The following MATN2 variants were observed in gnomAD, a reference collection of about 807,000 sequenced individuals.
The protein encoded by MATN2 is matrilin-2.
MATN2 carries 69 observed loss-of-function variants against 103.2 expected under a neutral mutation model. That is an observed-to-expected ratio of 0.67 (90% CI 0.55 to 0.82). The LOEUF (loss-of-function observed/expected upper bound fraction) is 0.82, where lower values mean the gene tolerates loss of function less well. MATN2 is among the 40% of genes least tolerant of loss of function. The pLI is 0.00. For missense variants in MATN2, 1,023 were observed against 1,211.5 expected (o/e 0.84, Z 2.31); for synonymous variants, 429 against 450.2 (o/e 0.95, Z 0.60).
At chr8:97,903,973 T>C (rs541202875) in intron 2 of MATN2, among the ~76,000 whole-genome samples, 62 of 152,260 alleles carry the variant, frequency 4.1e-4, no homozygotes, top group Non-Finnish European at 8.1e-4. Flanking sequence ...GAACCAATCC[T>C]TGCATTATTG....
chr8:97,991,076 A>G (rs889905847), intron 6 of MATN2, among the ~76,000 whole-genome samples: 2 of 152,206 alleles, frequency 1.3e-5, no homozygotes, highest in Admixed American at 6.5e-5. Context: ...TCTATGTCAT[A>G]AAACACAAAG....
At chr8:97,904,047 G>C (rs975218000) in intron 2 of MATN2, among the ~76,000 whole-genome samples, 6 of 152,132 alleles carry the variant, frequency 3.9e-5, no homozygotes, top group African/African-American at 1.4e-4. Context: ...TTGCTAATCT[G>C]TTTTTGTATT....
chr8:97,998,258 C>T lies in MATN2; in HGVS notation c.1204+3656C>T, dbSNP rs1258031958. Among the ~76,000 whole-genome samples, 6 of 151,498 alleles carry T rather than the reference C, an allele frequency of 4.0e-5. No homozygotes were observed. In the East Asian group the frequency reaches 7.8e-4, roughly 20 times the overall value. ...AAATCTTGCTGGGCGCGGTGGCTCACGCCTGTAATCCCAGCACTTTGGGAG... is the reference window on the plus strand; with the variant it reads ...AAATCTTGCTGGGCGCGGTGGCTCATGCCTGTAATCCCAGCACTTTGGGAG... On this transcript the variant is annotated intron_variant, in intron 7 of 18. Transcript: ENST00000254898.
intron 12 of MATN2, among the ~76,000 whole-genome samples, chr8:98,018,322 G>A (rs926749806): frequency 2.6e-5 from 4 of 152,076 alleles, no homozygotes; most frequent in Non-Finnish European, 5.9e-5. Flanking sequence ...TGAGTTTTGG[G>A]TTCTTTGCTT....
chr8:97,917,804 G>A (rs557233715), intron 2 of MATN2, among the ~76,000 whole-genome samples: 1 of 152,228 alleles, frequency 6.6e-6, no homozygotes, highest in East Asian at 1.9e-4. Context: ...GAATCTCTAG[G>A]CCGGGCATGG....
chr8:97,929,018 C>A (rs1810088185), intron 2 of MATN2, among the ~76,000 whole-genome samples: 1 of 152,170 alleles, frequency 6.6e-6, no homozygotes. Flanking sequence ...TCGCTGAACC[C>A]TCAAAGGCTC....
At chr8:98,033,682 T>C in intron 18 of MATN2, 23 bp downstream of exon 18, 1 of 1,432,792 alleles carries the variant, frequency 7.0e-7, no homozygotes, top group Non-Finnish European at 9.7e-7. Flanking sequence ...TGCATTATGC[T>C]TCTGTATGGA....
At chr8:97,961,279 AT>A in intron 4 of MATN2, 128 bp from the exon 5 acceptor site, 1 of 945,176 alleles carries the variant, frequency 1.1e-6, no homozygotes, top group East Asian at 2.8e-5. Flanking sequence ...ATGATCACGT[AT>A]CAAACCTTAC....
intron 12 of MATN2, among the ~76,000 whole-genome samples, chr8:98,018,592 T>C (rs1813459532): frequency 6.6e-6 from 1 of 152,146 alleles, no homozygotes; most frequent in South Asian, 2.1e-4. Flanking sequence ...AGAGGTTTGA[T>C]GGACTCACAG....
chr8:97,963,897 T>G (rs1006369254), intron 5 of MATN2, among the ~76,000 whole-genome samples: 19 of 152,286 alleles, frequency 1.2e-4, no homozygotes, highest in African/African-American at 4.6e-4. Flanking sequence ...TCTTAGGGAC[T>G]CCAGACAAAA....
At chr8:97,909,523 A>G (rs375325255) in intron 2 of MATN2, among the ~76,000 whole-genome samples, 18 of 152,082 alleles carry the variant, frequency 1.2e-4, no homozygotes, top group African/African-American at 3.1e-4. Flanking sequence ...TGAGAAGGTG[A>G]CTCTTCTTCA....
rs368167603 is a variant in MATN2 at position 97,922,576 on chromosome 8, G to A, written c.143-8377G>A. 4.6e-5 allele frequency among the ~76,000 whole-genome samples: 7 copies of A among 152,328 alleles called. 1 individual carries two copies. Among genetic ancestry groups the A allele is most frequent in the East Asian group, 3.9e-4 (2 of 5,190 alleles). On this transcript the variant is annotated intron_variant, in intron 2 of 18. Coordinates refer to ENST00000254898, the MANE Select transcript of MATN2 (RefSeq NM_002380.5). ...TAGAAGGATTCTATTTCATGTGCCA[G>A]TTCTGACAAATTGTTTATTGGTACT...
intron 2 of MATN2, among the ~76,000 whole-genome samples, chr8:97,905,195 A>G (rs1169641633): frequency 1.3e-5 from 2 of 152,128 alleles, no homozygotes; most frequent in Non-Finnish European, 2.9e-5. Context: ...CTCCTTTCTA[A>G]TCCTTTGCAT....
chr8:97,991,561 A>G lies in MATN2; in HGVS notation c.1082-2919A>G, dbSNP rs548723760. Among the ~76,000 whole-genome samples the G allele has an allele frequency of 3.9e-4, 59 of 152,254 alleles. No individual in the cohort carries two copies. In the East Asian group the frequency reaches 4.1e-3, roughly 10 times the overall value. On this transcript the variant is annotated intron_variant, in intron 6 of 18. Transcript: ENST00000254898. ...ACACGGTGAAACCCCGTCTCTACTA[A>G]ATTACAAAAAATTAGCTGGGTGTGG... is the stretch of plus-strand genomic sequence containing the variant.
intron 1 of MATN2, among the ~76,000 whole-genome samples, chr8:97,869,912 A>G (rs1817835719): frequency 6.6e-6 from 1 of 152,162 alleles, no homozygotes; most frequent in Admixed American, 6.5e-5. Context: ...GACTGGGGGC[A>G]CAGGAAAGTG....
intron 14 of MATN2, among the ~76,000 whole-genome samples, chr8:98,029,978 G>A (rs769827201): frequency 2.5e-4 from 38 of 152,198 alleles, no homozygotes; most frequent in Non-Finnish European, 5.3e-4. Flanking sequence ...TCCTCACAAA[G>A]TTGTGTCATC....
chr8:98,000,639 T>G (rs1010554762), intron 7 of MATN2, among the ~76,000 whole-genome samples: 1 of 147,586 alleles, frequency 6.8e-6, no homozygotes, highest in Non-Finnish European at 1.5e-5. Context: ...ACACATATCT[T>G]GCAGGGTCAA....
intron 6 of MATN2, among the ~76,000 whole-genome samples, chr8:97,989,806 G>A (rs933509184): frequency 2.0e-5 from 3 of 152,092 alleles, no homozygotes; most frequent in Admixed American, 6.6e-5. Context: ...ATTTATCAAG[G>A]TTGCAGGACA....
At chr8:97,913,834 C>G (rs576010854) in intron 2 of MATN2, among the ~76,000 whole-genome samples, 3 of 152,060 alleles carry the variant, frequency 2.0e-5, no homozygotes, top group African/African-American at 7.2e-5. Flanking sequence ...AGGCTGGCCT[C>G]GAACTCCTGA....
Sources: allele counts gnomAD v4.1 joint callset (sites outside exome capture counted in the v4.1 genomes callset), GRCh38; gene constraint gnomAD v4.1.1; transcripts MANE v1.5; gene names NCBI Gene and HGNC (gene_info 2026-07-23, HGNC 2026-07-21).